The following CELA2B variants were observed in gnomAD, a reference collection of about 807,000 sequenced individuals.
CELA2B encodes chymotrypsin like elastase 2B, also known as chymotrypsin-like elastase family member 2B.
In CELA2B, 27 loss-of-function variants were observed where a neutral mutation model predicts 36.5. The ratio of observed to expected loss-of-function variants is 0.74; its 90% CI spans 0.55 to 1.02. CELA2B has a LOEUF of 1.02. Among genes scored for constraint, CELA2B ranks in the 50% least tolerant of loss-of-function variants. The pLI is 0.00. For synonymous variants in CELA2B, 143 were observed against 148.5 expected (o/e 0.96, Z 0.27); for missense variants, 340 against 347.8 (o/e 0.98, Z 0.18).
rs138443592 is a variant in CELA2B at position 15,477,135 on chromosome 1, T to G, written c.129+590T>G. Among the ~76,000 whole-genome samples, 328 of 152,332 alleles carry G rather than the reference T, an allele frequency of 2.2e-3. 1 individual carries two copies. Among genetic ancestry groups the G allele is most frequent in the African/African-American group, 7.4e-3 (309 of 41,580 alleles). ...CTTACTCTGTTAACCAATCAGAGGCTTTCTTTCAAATGTACCATTATCCTA... is the reference window on the plus strand; with the variant it reads ...CTTACTCTGTTAACCAATCAGAGGCGTTCTTTCAAATGTACCATTATCCTA... On this transcript the variant is annotated intron_variant, in intron 2 of 7. Transcript: ENST00000375910.
intron 7 of CELA2B, among the ~76,000 whole-genome samples, chr1:15,490,365 A>G (rs1375872022): frequency 3.9e-5 from 6 of 152,182 alleles, no homozygotes; most frequent in African/African-American, 1.4e-4. Context: ...CACATTTTAC[A>G]TGTCAGTACA....
chr1:15,482,143 G>A (rs930727944), intron 3 of CELA2B, 122 bp from the exon 4 acceptor site: 3 of 1,209,234 alleles, frequency 2.5e-6, no homozygotes, highest in Admixed American at 2.2e-5. Context: ...TCCCAGGGGA[G>A]GAAAGATCCC....
chr1:15,485,473 T>C (rs1362681038), intron 5 of CELA2B, among the ~76,000 whole-genome samples: 4 of 152,224 alleles, frequency 2.6e-5, no homozygotes, highest in African/African-American at 7.2e-5. Flanking sequence ...GGCAGAGATA[T>C]AGCCAGGCAT....
chr1:15,487,492 G>T (rs550638066), intron 7 of CELA2B, 55 bp downstream of exon 7: 11 of 1,599,682 alleles, frequency 6.9e-6, no homozygotes, highest in African/African-American at 5.4e-5. Context: ...ACCTGGCCTC[G>T]GGAGTGCCAT....
rs773832878 is a variant in CELA2B, at chr1:15,487,379, AC to A, written c.735del (p.Tyr246ThrfsTer20). The A allele has an allele frequency of 2.5e-6, 4 of 1,614,208 alleles. No homozygotes were observed. In the Admixed American group the frequency reaches 6.7e-5, roughly 27 times the overall value. On this transcript the variant is annotated frameshift_variant, in exon 7 of 8. Coordinates refer to ENST00000375910, the MANE Select transcript of CELA2B (RefSeq NM_015849.3). LOFTEE classifies it high-confidence loss of function. ...CTCACGTCGGTCCTTGGTTGCAACT[AC>A]TACTACAAGCCCTCCATCTTCACGC... ...GSLTSVLGCNYYYKPSIFTRV... is the reference protein window; with the variant it reads ...GSLTSVLGCNXYYKPSIFTRV...
Position 15,480,639 on chromosome 1 carries a change from T to G in CELA2B, c.130-459T>G, listed in dbSNP as rs192615368. 7.2e-5 allele frequency among the ~76,000 whole-genome samples: 11 copies of G among 152,148 alleles called. No individual in the cohort carries two copies. The East Asian group carries it at 1.9e-3, about 27-fold the overall frequency. On this transcript the variant is annotated intron_variant, in intron 2 of 7. Coordinates refer to ENST00000375910, the MANE Select transcript of CELA2B (RefSeq NM_015849.3). ...TAAAACCATCAGATATCATGAGAAC[T>G]CACTCAGTATCACAAAAATAGCATG...
rs113720469 is a variant in CELA2B, at chr1:15,476,116, C to T, written c.-10C>T. 2,427 of 1,614,012 alleles carry T rather than the reference C, an allele frequency of 1.5e-3. 40 individuals carry two copies. In the African/African-American group the frequency reaches 0.028, roughly 19 times the overall value. On this transcript the variant is annotated 5_prime_UTR_variant, in exon 1 of 8. In the 5' UTR this introduces an upstream ATG that the reference lacks. Coordinates refer to ENST00000375910, the MANE Select transcript of CELA2B (RefSeq NM_015849.3). Reference sequence around the variant, plus strand: ...CAGGGCCACGCTTACAGAACTCCCACGGACACACCATGATTAGGACCCTGC... The same window carrying T: ...CAGGGCCACGCTTACAGAACTCCCATGGACACACCATGATTAGGACCCTGC...
intron 6 of CELA2B, among the ~76,000 whole-genome samples, chr1:15,486,433 G>A (rs760831298): frequency 4.1e-4 from 63 of 152,208 alleles, no homozygotes; most frequent in Non-Finnish European, 6.0e-4. Flanking sequence ...GAGCTGAGAT[G>A]ATGCCACTGC....
intron 2 of CELA2B, among the ~76,000 whole-genome samples, chr1:15,478,134 A>G (rs1241045386): frequency 2.6e-5 from 4 of 152,082 alleles, no homozygotes; most frequent in African/African-American, 9.7e-5. Flanking sequence ...TGCCTCTACT[A>G]AAAATACAAA....
At chr1:15,490,704 C>T (rs1466737523) in intron 7 of CELA2B, 1 of 152,892 alleles carries the variant, frequency 6.5e-6, no homozygotes, top group Non-Finnish European at 1.5e-5. Flanking sequence ...CCTGTCTCTA[C>T]TAAAAATGCA....
chr1:15,488,824 C>G (rs1202243776), intron 7 of CELA2B, among the ~76,000 whole-genome samples: 1 of 152,222 alleles, frequency 6.6e-6, no homozygotes. Context: ...TCAAAATAAG[C>G]AGGTGGCTGC....
rs769338268 is a variant in CELA2B, at chr1:15,476,472, T to A, written c.56T>A (p.Val19Asp). 8 of 1,613,960 alleles carry A rather than the reference T, an allele frequency of 5.0e-6. No homozygotes were observed. The highest frequency in any genetic ancestry group is 2.2e-5 in the East Asian group (1 of 44,880). ...CTTTTCACAGCCCTCAGTTGTGGGG[T>A]CTCCACTTACGCGCCTGATATGTCT... ...TLVAGALSCGVSTYAPDMSRM... is the reference protein window; with the variant it reads ...TLVAGALSCGDSTYAPDMSRM... The change falls in exon 2 of 8, where the codon GTC becomes GAC. Residue 19 changes from valine (V) to aspartate (D), a missense_variant. Coordinates refer to ENST00000375910, the MANE Select transcript of CELA2B (RefSeq NM_015849.3).
At chr1:15,481,414 AG>A (rs989104970) in intron 3 of CELA2B, among the ~76,000 whole-genome samples, 1 of 152,172 alleles carries the variant, frequency 6.6e-6, no homozygotes, top group Non-Finnish European at 1.5e-5. Context: ...GCAGGCACTG[AG>A]GGAGGATGAA....
chr1:15,487,280 C>A lies in CELA2B; in HGVS notation c.640-5C>A. On this transcript the variant is annotated splice_polypyrimidine_tract_variant and splice_region_variant and intron_variant, in intron 6 of 7. Transcript: ENST00000375910. ...TCAACTCCCTATAACTCTGGCCTTC[C>A]TCAGGGAGACTCCGGTGGGCCGCTG... 1 of 1,614,080 alleles carries A rather than the reference C, an allele frequency of 6.2e-7. No individual in the cohort carries two copies. The highest frequency in any genetic ancestry group is 8.5e-7 in the Non-Finnish European group (1 of 1,179,934).
Position 15,482,394 on chromosome 1 carries a change from G to A in CELA2B, c.356+1G>A. The A allele has an allele frequency of 6.2e-7, 1 of 1,614,028 alleles. No individual in the cohort carries two copies. Among genetic ancestry groups the A allele is most frequent in the Non-Finnish European group, 8.5e-7 (1 of 1,179,938 alleles). On this transcript the variant is annotated splice_donor_variant, in intron 4 of 7. Transcript: ENST00000375910. LOFTEE classifies it high-confidence loss of function. ...GGAACTCCGACCAGGTCTCCAAAGGGTTCGTTTCTATCTGGGTGCACTTGG... is the reference window on the plus strand; with the variant it reads ...GGAACTCCGACCAGGTCTCCAAAGGATTCGTTTCTATCTGGGTGCACTTGG...
chr1:15,485,979 G>T lies in CELA2B; in HGVS notation c.572G>T (p.Trp191Leu), dbSNP rs1299357619. The T allele has an allele frequency of 3.7e-6, 6 of 1,614,212 alleles. No individual in the cohort carries two copies. The highest frequency in any genetic ancestry group is 5.1e-6 in the Non-Finnish European group (6 of 1,180,044). The change falls in exon 6 of 8, where the codon TGG (tryptophan) becomes TTG (leucine). Residue 191 changes from tryptophan (W) to leucine (L), a missense_variant. Trp to Leu is a moderately conservative substitution (Grantham distance 61, BLOSUM62 -2). Transcript: ENST00000375910. ...VDYATCSSSG[W>L]WGSTVKTNMI... is the part of the protein sequence containing the mutation. ...TATGCCACCTGCTCCAGCTCTGGCT[G>T]GTGGGGCAGCACCGTGAAGACGAAT...
At position 15,482,281 on chromosome 1, in the gene CELA2B, C is replaced by T. The variant is rs758925686; in HGVS notation, c.244C>T (p.Arg82Cys). 5.6e-6 allele frequency: 9 copies of T among 1,613,988 alleles called. No individual in the cohort carries two copies. Among genetic ancestry groups the T allele is most frequent in the Middle Eastern group, 1.7e-4 (1 of 6,058 alleles). The change falls in exon 4 of 8, where the codon CGC (arginine) becomes TGC (cysteine). Residue 82 changes from arginine (R) to cysteine (C), a missense_variant. Coordinates refer to ENST00000375910, the MANE Select transcript of CELA2B (RefSeq NM_015849.3). The part of the protein sequence containing the change: ...AHCISSSGIY[R>C]VMLGQHNLYV... ...TTCTCCCAGCTCCTCCGGGATCTAC[C>T]GCGTGATGCTGGGCCAGCATAACCT...
chr1:15,481,008 T>G, intron 2 of CELA2B, 90 bp from the exon 3 acceptor site: 1 of 1,458,696 alleles, frequency 6.9e-7, no homozygotes, highest in East Asian at 2.3e-5. Context: ...CACTCCCCCT[T>G]ACCCTTGTCC....
In CELA2B at chr1:15,487,300, C is replaced by T. The variant is rs1162367766; in HGVS notation, c.655C>T (p.Pro219Ser). 6.2e-7 allele frequency: 1 copy of T among 1,614,208 alleles called. No homozygotes were observed. Among genetic ancestry groups the T allele is most frequent in the Non-Finnish European group, 8.5e-7 (1 of 1,180,020 alleles). ...ICTCNGDSGGPLNCQASDGRW... is the reference protein window; with the variant it reads ...ICTCNGDSGGSLNCQASDGRW... The stretch of plus-strand genomic sequence containing the variant: ...CCTTCCTCAGGGAGACTCCGGTGGG[C>T]CGCTGAACTGTCAGGCATCTGACGG... The change falls in exon 7 of 8, where the codon CCG (proline) becomes TCG (serine). Residue 219 changes from proline to serine, a missense_variant. Pro to Ser is a moderately conservative substitution (Grantham distance 74). Coordinates refer to ENST00000375910, the MANE Select transcript of CELA2B (RefSeq NM_015849.3).
Sources: allele counts gnomAD v4.1 joint callset (sites outside exome capture counted in the v4.1 genomes callset), GRCh38; gene constraint gnomAD v4.1.1; transcripts MANE v1.5; gene names NCBI Gene and HGNC (gene_info 2026-07-23, HGNC 2026-07-21).